Variants in KPNB1 observed in about 807,000 individuals in gnomAD.
The protein encoded by KPNB1 is karyopherin subunit beta 1.
In KPNB1, 7 loss-of-function variants were observed where a neutral mutation model predicts 113.0. The observed-to-expected ratio is 0.06, with a 90% CI of 0.04 to 0.12. The LOEUF is 0.12. KPNB1 is among the 10% of genes least tolerant of loss of function. KPNB1 has a pLI of 1.00. For synonymous variants in KPNB1, 363 were observed against 378.6 expected, an observed-to-expected ratio of 0.96 and a Z score of 0.48; for missense variants, 400 against 1,054.8, an observed-to-expected ratio of 0.38 and a Z score of 8.60.
At chr17:47,672,951 AC>A in intron 12 of KPNB1, 66 bp from the exon 13 acceptor site, 1 of 1,479,180 alleles carries the variant, frequency 6.8e-7, no homozygotes, top group Non-Finnish European at 9.1e-7. Context: ...TTTTGGCAAG[AC>A]ATTGTCTATG....
Position 47,650,192 on chromosome 17 carries a change from C to T in KPNB1, c.-53C>T, listed in dbSNP as rs2277612. ...CCCATCCCCAGTTCGAGCCGCCGCCCGAAAGGCCGGGCCGTCGTCTTAGGA... is the reference window on the plus strand; with the variant it reads ...CCCATCCCCAGTTCGAGCCGCCGCCTGAAAGGCCGGGCCGTCGTCTTAGGA... On this transcript the variant is annotated 5_prime_UTR_variant, in exon 1 of 22. Transcript: ENST00000290158. 2.7e-6 allele frequency: 4 copies of T among 1,502,260 alleles called. No homozygotes were observed. The East Asian group carries it at 8.3e-5, about 31-fold the overall frequency. 93.1% of individuals were successfully genotyped at this position (1,502,260 alleles called of 1,614,324 possible). A position where few individuals can be genotyped will look rare whatever the true frequency, so the allele number is the denominator to read the frequency against.
intron 5 of KPNB1, among the ~76,000 whole-genome samples, chr17:47,659,633 T>C (rs2030028667): frequency 6.6e-6 from 1 of 152,202 alleles, no homozygotes; most frequent in Non-Finnish European, 1.5e-5. Flanking sequence ...TAACCAGTTT[T>C]GTGAGCTCTT....
intron 19 of KPNB1, chr17:47,678,730 C>T (rs1305790774): frequency 1.7e-5 from 5 of 296,270 alleles, no homozygotes; most frequent in Non-Finnish European, 2.6e-5. Context: ...GCCTCAGCCT[C>T]CTGAGTAGCT....
intron 3 of KPNB1, among the ~76,000 whole-genome samples, chr17:47,653,582 C>G (rs755365844): frequency 1.3e-5 from 2 of 152,144 alleles, no homozygotes; most frequent in Non-Finnish European, 2.9e-5. Flanking sequence ...ATCTGTCTTA[C>G]ATGGGTAAGG....
At chr17:47,682,096 T>C (rs1173501249) in intron 21 of KPNB1, among the ~76,000 whole-genome samples, 1 of 152,226 alleles carries the variant, frequency 6.6e-6, no homozygotes, top group Non-Finnish European at 1.5e-5. Flanking sequence ...CCCAAAGTGC[T>C]GAGATTAAAG....
chr17:47,663,391 C>T (rs954167826), intron 7 of KPNB1, among the ~76,000 whole-genome samples: 14 of 152,228 alleles, frequency 9.2e-5, no homozygotes, highest in South Asian at 2.1e-4. Flanking sequence ...AGGTCAGGCC[C>T]GGTGGCTAAC....
chr17:47,675,786 G>T (rs1296729513), intron 15 of KPNB1, among the ~76,000 whole-genome samples: 1 of 152,106 alleles, frequency 6.6e-6, no homozygotes, highest in African/African-American at 2.4e-5. Context: ...CCTTTTCAGG[G>T]GTGGCCTGTA....
rs567638634 is a variant in KPNB1, at chr17:47,685,255, C to G, written c.*2851C>G. 13 of 152,174 alleles carry G rather than the reference C, an allele frequency of 8.5e-5. No individual in the cohort carries two copies. The highest frequency in any genetic ancestry group is 1.8e-4 in the Non-Finnish European group (12 of 68,042). 9.4% of individuals were successfully genotyped at this position (152,174 alleles called of 1,614,324 possible). On this transcript the variant is annotated 3_prime_UTR_variant, in exon 22 of 22. Transcript: ENST00000290158. The stretch of plus-strand genomic sequence containing the variant: ...GTTTTAACTTTCAGAACCAAGCAAT[C>G]TATTTACTCTTACAAATATTTAAGA...
chr17:47,681,652 CCCACCTCA>C (rs1317654565), intron 21 of KPNB1, among the ~76,000 whole-genome samples: 14 of 151,224 alleles, frequency 9.3e-5, no homozygotes, highest in African/African-American at 3.4e-4. Context: ...AGGTGATCCA[CCCACCTCA>C]GCCTCCTAAA....
intron 3 of KPNB1, among the ~76,000 whole-genome samples, chr17:47,653,875 ATGTAGAGC>A (rs1194221658): frequency 6.6e-6 from 1 of 152,200 alleles, no homozygotes; most frequent in African/African-American, 2.4e-5. Context: ...GTTTTGGAGC[ATGTAGAGC>A]TGTTTCTATT....
chr17:47,674,596 G>A (rs1373195409), intron 14 of KPNB1, 42 bp from the exon 15 acceptor site: 1 of 1,584,976 alleles, frequency 6.3e-7, no homozygotes, highest in Admixed American at 1.8e-5. Context: ...CTGATTGGGA[G>A]ATTTGGAATC....
At chr17:47,673,244 T>G in intron 13 of KPNB1, 79 bp downstream of exon 13, 1 of 1,360,846 alleles carries the variant, frequency 7.3e-7, no homozygotes, top group Non-Finnish European at 1.0e-6. Flanking sequence ...TCCAGACTGT[T>G]CTGTCTTTTT....
chr17:47,663,403 C>A (rs1024974454), intron 7 of KPNB1, among the ~76,000 whole-genome samples: 2 of 152,178 alleles, frequency 1.3e-5, no homozygotes, highest in South Asian at 4.1e-4. Context: ...GTGGCTAACG[C>A]CTGTAATCCC....
chr17:47,674,839 G>A, intron 15 of KPNB1, 57 bp downstream of exon 15: 1 of 1,532,728 alleles, frequency 6.5e-7, no homozygotes, highest in Non-Finnish European at 8.8e-7. Context: ...GCATTTCAGT[G>A]GCCTTAAATA....
In KPNB1 at chr17:47,665,917, T is replaced by A. The variant is rs537099650; in HGVS notation, c.999+759T>A. Reference sequence around the variant, plus strand: ...TGCATCATTTCTTTGTACACAGGAATGTAATTGTTTTTAGGGATGTGTATA... The same window carrying A: ...TGCATCATTTCTTTGTACACAGGAAAGTAATTGTTTTTAGGGATGTGTATA... On this transcript the variant is annotated intron_variant, in intron 9 of 21. Coordinates refer to ENST00000290158, the MANE Select transcript of KPNB1 (RefSeq NM_002265.6). Among the ~76,000 whole-genome samples, 6 of 152,346 alleles carry A rather than the reference T, an allele frequency of 3.9e-5. No homozygotes were observed. In the South Asian group the frequency reaches 1.2e-3, roughly 32 times the overall value.
rs765671821 is a variant in KPNB1 at position 47,680,619 on chromosome 17, C to G, written c.2580C>G (p.Thr860=). 1 of 1,614,150 alleles carries G rather than the reference C, an allele frequency of 6.2e-7. No homozygotes were observed. Among genetic ancestry groups the G allele is most frequent in the Admixed American group, 1.7e-5 (1 of 60,022 alleles). The change falls in exon 21 of 22, where the codon ACC becomes ACG. Residue 860 remains threonine, a synonymous_variant. Coordinates refer to ENST00000290158, the MANE Select transcript of KPNB1 (RefSeq NM_002265.6). Reference sequence around the variant, plus strand: ...GATCGAAGACTAACAAAGCAAAAACCCTTGCTACATGGGCAACAAAAGAAC... The same window carrying G: ...GATCGAAGACTAACAAAGCAAAAACGCTTGCTACATGGGCAACAAAAGAAC... ...GRRSKTNKAK[T]LATWATKELR...
rs1434933128 is a variant in KPNB1, at chr17:47,673,066, G to A, written c.1596G>A (p.Leu532=). 3 of 1,614,078 alleles carry A rather than the reference G, an allele frequency of 1.9e-6. No homozygotes were observed. In the South Asian group the frequency reaches 3.3e-5, roughly 18 times the overall value. The part of the protein sequence containing the change: ...NNLRSSAYES[L]MEIVKNSAKD... ...TGAGGAGTTCTGCATATGAATCTCT[G>A]ATGGAAATTGTGAAAAACAGTGCCA... The change falls in exon 13 of 22, where the codon CTG becomes CTA. Residue 532 remains leucine (L), a synonymous_variant. Transcript: ENST00000290158.
At chr17:47,661,074 C>G (rs1476022112) in intron 5 of KPNB1, 45 bp from the exon 6 acceptor site, 6 of 1,470,722 alleles carry the variant, frequency 4.1e-6, no homozygotes, top group African/African-American at 1.4e-5. Flanking sequence ...TTCCTACGTA[C>G]AGGTTATGCT....
intron 15 of KPNB1, among the ~76,000 whole-genome samples, chr17:47,675,373 T>TTTTTTTTTG (rs2030579103): frequency 9.7e-6 from 1 of 102,626 alleles, no homozygotes. Context: ...TTTTTTTTTG[T>TTTTTTTTTG]TTTTTTTTTT....
Sources: allele counts gnomAD v4.1 joint callset (sites outside exome capture counted in the v4.1 genomes callset), GRCh38; gene constraint gnomAD v4.1.1; transcripts MANE v1.5; gene names NCBI Gene and HGNC (gene_info 2026-07-23, HGNC 2026-07-21).